Variants in RAG2 observed in about 807,000 individuals in gnomAD.
RAG2 encodes V(D)J recombination-activating protein 2.
A neutral mutation model predicts 31.8 loss-of-function variants in RAG2; 16 were observed. That is an observed-to-expected ratio of 0.50 (90% CI 0.34 to 0.76). The LOEUF (loss-of-function observed/expected upper bound fraction) is 0.76, where lower values mean the gene tolerates loss of function less well. RAG2 is among the 30% of genes least tolerant of loss of function. The pLI, the probability that RAG2 is intolerant of heterozygous loss-of-function variation, is 0.01. For synonymous variants in RAG2, 199 were observed against 215.9 expected, an observed-to-expected ratio of 0.92 and a Z score of 0.68; for missense variants, 622 against 628.5, an observed-to-expected ratio of 0.99 and a Z score of 0.11.
Position 36,592,812 on chromosome 11 carries a change from A to G in RAG2, c.1357T>C (p.Trp453Arg). 1 of 1,614,148 alleles carries G rather than the reference A, an allele frequency of 6.2e-7. No homozygotes were observed. The highest frequency in any genetic ancestry group is 1.1e-5 in the South Asian group (1 of 91,080). ...AGATCCATGCACTGAGCATGGACCC[A>G]GTGCCCATCCCCATGAGAGCAGTAG... Reference protein sequence around the residue: ...MIYCSHGDGHWVHAQCMDLAE... With the variant: ...MIYCSHGDGHRVHAQCMDLAE... Residue 453 changes from tryptophan (W) to arginine (R), a missense_variant, in exon 2 of 2, where the codon TGG (tryptophan) becomes CGG (arginine). By Grantham distance (101) the Trp-to-Arg change is moderately radical (BLOSUM62 -3). Transcript: ENST00000311485.
rs577434324 is a variant in RAG2, at chr11:36,592,654, G to A, written c.1515C>T (p.Leu505=). 2.5e-6 allele frequency: 4 copies of A among 1,614,152 alleles called. No individual in the cohort carries two copies. Among genetic ancestry groups the A allele is most frequent in the Non-Finnish European group, 3.4e-6 (4 of 1,180,006 alleles). Residue 505 remains leucine (L), a synonymous_variant, in exon 2 of 2, where the codon CTC becomes CTT. Coordinates refer to ENST00000311485, the MANE Select transcript of RAG2 (RefSeq NM_000536.4). ...LPLKKPPMKS[L]RKKGSGKILT... ...AGATTTTTCCAGAACCTTTTTTACG[G>A]AGGGATTTCATTGGAGGCTTTTTTA...
intron 1 of RAG2, among the ~76,000 whole-genome samples, chr11:36,595,742 G>T (rs551513384): frequency 6.6e-6 from 1 of 152,344 alleles, no homozygotes; most frequent in East Asian, 1.9e-4. Context: ...ACAGGGATTT[G>T]CATATAGTAG....
intron 1 of RAG2, among the ~76,000 whole-genome samples, chr11:36,596,211 GTTTTTTTTTTGTTTTT>G (rs1851229063): frequency 9.9e-6 from 1 of 101,158 alleles, no homozygotes; most frequent in African/African-American, 4.1e-5. Context: ...AGATGGTAGT[GTTTTTTTTTTGTTTTT>G]TTTTTTTTTT....
chr11:36,595,911 G>C (rs1851207586), intron 1 of RAG2, among the ~76,000 whole-genome samples: 3 of 152,192 alleles, frequency 2.0e-5, no homozygotes, highest in Admixed American at 1.3e-4. Flanking sequence ...TGAACTAAAA[G>C]AATTGGATAA....
chr11:36,594,048 AG>A lies in RAG2; in HGVS notation c.120del (p.Cys41AlafsTer10). The A allele has an allele frequency of 1.2e-6, 2 of 1,614,160 alleles. No homozygotes were observed. The highest frequency in any genetic ancestry group is 2.2e-5 in the South Asian group (2 of 91,080). On this transcript the variant is annotated frameshift_variant, in exon 2 of 2. Transcript: ENST00000311485. LOFTEE classifies it high-confidence loss of function. ...TCCAGATGGAAAACTCCAGTGGGGCAGGATCTTTTGGGCCAGCCTTTTTGTC... is the reference window on the plus strand; with the variant it reads ...TCCAGATGGAAAACTCCAGTGGGGCAGATCTTTTGGGCCAGCCTTTTTGTC... ...FFGQKGWPKR[S>X]CPTGVFHLDV... is the part of the protein sequence containing the mutation.
In RAG2 at chr11:36,592,985, C is replaced by G. The variant is rs757081652; in HGVS notation, c.1184G>C (p.Gly395Ala). 32 of 1,614,012 alleles carry G rather than the reference C, an allele frequency of 2.0e-5. No homozygotes were observed. The highest frequency in any genetic ancestry group is 2.7e-5 in the African/African-American group (2 of 74,908). Reference protein sequence around the residue: ...CFSAEANSFDGDDEFDTYNED... With the variant: ...CFSAEANSFDADDEFDTYNED... ...ATTATAGGTGTCAAATTCATCATCA[C>G]CATCAAAACTATTTGCTTCTGCACT... Residue 395 changes from glycine (G) to alanine (A), a missense_variant, in exon 2 of 2, where the codon GGT (glycine) becomes GCT (alanine). By Grantham distance (60) the Gly-to-Ala change is moderately conservative (BLOSUM62 0). Coordinates refer to ENST00000311485, the MANE Select transcript of RAG2 (RefSeq NM_000536.4).
At position 36,593,846 on chromosome 11, in the gene RAG2, TAA is replaced by T; in HGVS notation, c.321_322del (p.Tyr108CysfsTer27). Reference sequence around the variant, plus strand: ...GTTCTTGCAAACAATAGACATGACATAAATCTTATCTGAAACCTCATTGTTTG... The same window carrying T: ...GTTCTTGCAAACAATAGACATGACATATCTTATCTGAAACCTCATTGTTTG... On this transcript the variant is annotated frameshift_variant, in exon 2 of 2. Transcript: ENST00000311485. LOFTEE classifies it high-confidence loss of function. 1 of 1,614,238 alleles carries T rather than the reference TAA, an allele frequency of 6.2e-7. No homozygotes were observed. The highest frequency in any genetic ancestry group is 8.5e-7 in the Non-Finnish European group (1 of 1,180,026).
At chr11:36,591,280 C>T (rs143928258), downstream of RAG2, among the ~76,000 whole-genome samples, 7 of 152,262 alleles carry the variant, frequency 4.6e-5, no homozygotes, top group East Asian at 1.2e-3. Context: ...AGCGTTTCAT[C>T]TCTTGCATAA....
intron 1 of RAG2, among the ~76,000 whole-genome samples, chr11:36,597,264 G>A (rs1290861166): frequency 6.6e-6 from 1 of 152,114 alleles, no homozygotes; most frequent in Non-Finnish European, 1.5e-5. Context: ...CTCTTCCATA[G>A]TTTCAATATG....
rs371025129 is a variant in RAG2, at chr11:36,593,086, T to C, written c.1083A>G (p.Thr361=). 9.3e-6 allele frequency: 15 copies of C among 1,614,138 alleles called. No individual in the cohort carries two copies. The African/African-American group carries it at 1.7e-4, about 19-fold the overall frequency. ...AEDDTNEEQT[T]FTNSQTSTED... Reference sequence around the variant, plus strand: ...CTGTTGATGTTTGACTGTTTGTGAATGTTGTCTGCTCTTCATTAGTATCAT... The same window carrying C: ...CTGTTGATGTTTGACTGTTTGTGAACGTTGTCTGCTCTTCATTAGTATCAT... The change falls in exon 2 of 2, where the codon ACA becomes ACG. Residue 361 remains threonine (T), a synonymous_variant. Coordinates refer to ENST00000311485, the MANE Select transcript of RAG2 (RefSeq NM_000536.4).
In RAG2 at chr11:36,592,925, T is replaced by C; in HGVS notation, c.1244A>G (p.Tyr415Cys). 1 of 1,614,186 alleles carries C rather than the reference T, an allele frequency of 6.2e-7. No homozygotes were observed. The highest frequency in any genetic ancestry group is 1.1e-5 in the South Asian group (1 of 91,084). Residue 415 changes from tyrosine to cysteine, a missense_variant, in exon 2 of 2, where the codon TAC becomes TGC. Coordinates refer to ENST00000311485, the MANE Select transcript of RAG2 (RefSeq NM_000536.4). ...DDEEDESETGYWITCCPTCDV... is the reference protein window; with the variant it reads ...DDEEDESETGCWITCCPTCDV... ...ACAAGTAGGGCAGCATGTAATCCAGTAGCCTGTCTCAGACTCATCTTCTTC... is the reference window on the plus strand; with the variant it reads ...ACAAGTAGGGCAGCATGTAATCCAGCAGCCTGTCTCAGACTCATCTTCTTC...
In RAG2 at chr11:36,592,939, C is replaced by T. The variant is rs1851055371; in HGVS notation, c.1230G>A (p.Glu410=). The T allele has an allele frequency of 6.2e-7, 1 of 1,614,004 alleles. No individual in the cohort carries two copies. The highest frequency in any genetic ancestry group is 8.5e-7 in the Non-Finnish European group (1 of 1,179,978). Residue 410 remains glutamate, a synonymous_variant, in exon 2 of 2, where the codon GAG becomes GAA. Coordinates refer to ENST00000311485, the MANE Select transcript of RAG2 (RefSeq NM_000536.4). ...ATGTAATCCAGTAGCCTGTCTCAGACTCATCTTCTTCATCATCTTCATTAT... is the reference window on the plus strand; with the variant it reads ...ATGTAATCCAGTAGCCTGTCTCAGATTCATCTTCTTCATCATCTTCATTAT... ...DTYNEDDEED[E]SETGYWITCC... is the part of the protein sequence containing the mutation.
intron 1 of RAG2, among the ~76,000 whole-genome samples, chr11:36,595,626 C>T (rs922151739): frequency 6.6e-6 from 1 of 152,240 alleles, no homozygotes; most frequent in Non-Finnish European, 1.5e-5. Flanking sequence ...TATGTAACCT[C>T]TGTGTGCCTC....
rs11033703 is a variant in RAG2, at chr11:36,595,228, C to T, written c.-27-1033G>A. The T allele has an allele frequency of 0.13, 20,061 of 152,080 alleles. 1,435 individuals are homozygous for T. The highest frequency in any genetic ancestry group is 0.19 in the Admixed American group (2,959 of 15,274). The allele number at this position is 152,080 out of a possible 1,614,324, so 9.4% of individuals were successfully genotyped here. On this transcript the variant is annotated intron_variant, in intron 1 of 1. Transcript: ENST00000311485. ...AATAGAGTTAGTGGCTTTTTCACAT[C>T]TTTCCAGTCCAAGAACTTTTGGGTA...
chr11:36,595,867 G>T (rs1272259963), intron 1 of RAG2, among the ~76,000 whole-genome samples: 4 of 152,262 alleles, frequency 2.6e-5, no homozygotes, highest in Non-Finnish European at 5.9e-5. Flanking sequence ...TAGGATATGG[G>T]AATCAGGTCA....
chr11:36,597,809 T>C (rs1383530513), intron 1 of RAG2: 1 of 152,168 alleles, frequency 6.6e-6, no homozygotes, highest in Admixed American at 6.5e-5. Context: ...TATTATTTTA[T>C]TTCTGCTGGC....
In RAG2 at chr11:36,593,410, T is replaced by G; in HGVS notation, c.759A>C (p.Pro253=). Residue 253 remains proline (P), a synonymous_variant, in exon 2 of 2, where the codon CCA becomes CCC. Transcript: ENST00000311485. ...GSPAVNCTVL[P]GGISVSSAIL... The stretch of plus-strand genomic sequence containing the variant: ...TTGCACTGGAGACAGAGATTCCTCC[T>G]GGCAAGACTGTGCAATTCACAGCTG... 1.9e-6 allele frequency: 3 copies of G among 1,614,094 alleles called. No individual in the cohort carries two copies. The highest frequency in any genetic ancestry group is 2.5e-6 in the Non-Finnish European group (3 of 1,180,026).
In RAG2 at chr11:36,594,112, G is replaced by A. The variant is rs752572568; in HGVS notation, c.57C>T (p.Phe19=). ...CTTGTCCATCAAAATTCATCAGTGA[G>A]AAGCCTGGCTGAATTAAGGCTATGT... ...SNNIALIQPG[F]SLMNFDGQVF... is the part of the protein sequence containing the mutation. The change falls in exon 2 of 2, where the codon TTC becomes TTT. Residue 19 remains phenylalanine, a synonymous_variant. Coordinates refer to ENST00000311485, the MANE Select transcript of RAG2 (RefSeq NM_000536.4). The A allele has an allele frequency of 1.2e-6, 2 of 1,614,120 alleles. No homozygotes were observed. Among genetic ancestry groups the A allele is most frequent in the East Asian group, 4.5e-5 (2 of 44,880 alleles).
At position 36,592,955 on chromosome 11, in the gene RAG2, T is replaced by C; in HGVS notation, c.1214A>G (p.Asp405Gly). Residue 405 changes from aspartate (D) to glycine (G), a missense_variant, in exon 2 of 2, where the codon GAT (aspartate) becomes GGT (glycine). Asp to Gly is a moderately conservative substitution (Grantham distance 94). Transcript: ENST00000311485. ...GDDEFDTYNE[D>G]DEEDESETGY... ...TGTCTCAGACTCATCTTCTTCATCA[T>C]CTTCATTATAGGTGTCAAATTCATC... 6.2e-7 allele frequency: 1 copy of C among 1,614,198 alleles called. No homozygotes were observed. Among genetic ancestry groups the C allele is most frequent in the Non-Finnish European group, 8.5e-7 (1 of 1,180,042 alleles).
Sources: allele counts gnomAD v4.1 joint callset (sites outside exome capture counted in the v4.1 genomes callset), GRCh38; gene constraint gnomAD v4.1.1; transcripts MANE v1.5; gene names NCBI Gene and HGNC (gene_info 2026-07-23, HGNC 2026-07-21).